The following ZNF652 variants were observed in gnomAD, a reference collection of about 807,000 sequenced individuals.
ZNF652 encodes zinc finger protein 652.
Under a neutral mutation model 45.2 loss-of-function variants are expected in ZNF652, and 16 were observed. The observed-to-expected ratio is 0.35, with a 90% CI of 0.24 to 0.54. ZNF652 has a LOEUF of 0.54. Ranked by LOEUF, ZNF652 falls within the 20% of genes least tolerant of loss-of-function variation. The probability of loss-of-function intolerance (pLI) is 0.91; values close to 1 mark genes in which losing one functional copy is unlikely to be tolerated. For synonymous variants in ZNF652, 250 were observed against 260.6 expected, an observed-to-expected ratio of 0.96 and a Z score of 0.39; for missense variants, 614 against 765.6, an observed-to-expected ratio of 0.80 and a Z score of 2.34.
intron 1 of ZNF652, among the ~76,000 whole-genome samples, chr17:49,331,922 T>C (rs1378869020): frequency 6.6e-6 from 1 of 152,068 alleles, no homozygotes; most frequent in Admixed American, 6.6e-5. Flanking sequence ...TGAGCTGAGA[T>C]CGCAGCACTG....
rs547955233 is a variant in ZNF652, at chr17:49,307,979, A to G, written c.1309+3333T>C. ...GGTTACAACAGAGTATAAAGACCCA[A>G]CATTTGTTTTTACTATATACATGAA... On this transcript the variant is annotated intron_variant, in intron 5 of 5. Coordinates refer to ENST00000430262, the MANE Select transcript of ZNF652 (RefSeq NM_001145365.3). Among the ~76,000 whole-genome samples the G allele has an allele frequency of 2.6e-4, 40 of 152,296 alleles. No individual in the cohort carries two copies. In the East Asian group the frequency reaches 7.5e-3, roughly 29 times the overall value.
At chr17:49,356,943 C>T (rs1327144784) in intron 1 of ZNF652, among the ~76,000 whole-genome samples, 1 of 150,888 alleles carries the variant, frequency 6.6e-6, no homozygotes, top group Non-Finnish European at 1.5e-5. Flanking sequence ...AAACTGTATA[C>T]ATGGCCCTAA....
chr17:49,353,773 A>C (rs530796472), intron 1 of ZNF652, among the ~76,000 whole-genome samples: 28 of 152,188 alleles, frequency 1.8e-4, no homozygotes, highest in Non-Finnish European at 3.1e-4. Context: ...ACTGCTTCTT[A>C]CTGTGGATCA....
chr17:49,304,571 A>G lies in ZNF652; in HGVS notation c.1310-5647T>C, dbSNP rs150824309. 1.6e-3 allele frequency among the ~76,000 whole-genome samples: 248 copies of G among 152,272 alleles called. 1 individual carries two copies. Among genetic ancestry groups the G allele is most frequent in the African/African-American group, 5.6e-3 (233 of 41,546 alleles). ...GTCCCACTTTAAGGAAGAGCTGGTA[A>G]ATGGGTGGCAAGAAGATATAGTAAC... On this transcript the variant is annotated intron_variant, in intron 5 of 5. Coordinates refer to ENST00000430262, the MANE Select transcript of ZNF652 (RefSeq NM_001145365.3).
chr17:49,329,415 C>T (rs1237868346), intron 1 of ZNF652, among the ~76,000 whole-genome samples: 2 of 152,098 alleles, frequency 1.3e-5, no homozygotes, highest in Admixed American at 6.5e-5. Flanking sequence ...CTCACAATAT[C>T]GACCTGTAAA....
intron 1 of ZNF652, among the ~76,000 whole-genome samples, chr17:49,341,724 C>T (rs903665843): frequency 1.3e-5 from 2 of 151,958 alleles, no homozygotes; most frequent in African/African-American, 4.8e-5. Flanking sequence ...AAAGGAAAAG[C>T]GTCTAATTTT....
intron 5 of ZNF652, among the ~76,000 whole-genome samples, chr17:49,299,828 A>T (rs1176346967): frequency 1.3e-5 from 2 of 149,210 alleles, no homozygotes; most frequent in Non-Finnish European, 3.0e-5. Flanking sequence ...TACAGGTGCC[A>T]GCTACCACGC....
chr17:49,327,162 A>T (rs1263696201), intron 1 of ZNF652, among the ~76,000 whole-genome samples: 1 of 151,828 alleles, frequency 6.6e-6, no homozygotes, highest in Non-Finnish European at 1.5e-5. Context: ...TATATAGATA[A>T]TTTTTTTTAT....
intron 1 of ZNF652, among the ~76,000 whole-genome samples, chr17:49,325,386 A>T (rs954408206): frequency 4.6e-5 from 7 of 152,224 alleles, no homozygotes; most frequent in African/African-American, 1.7e-4. Flanking sequence ...GCCATCTTAT[A>T]TGAGTATGGT....
intron 5 of ZNF652, among the ~76,000 whole-genome samples, chr17:49,308,471 C>G (rs997899066): frequency 6.6e-6 from 1 of 152,102 alleles, no homozygotes; most frequent in Non-Finnish European, 1.5e-5. Context: ...GCCACCATGT[C>G]CAGGTGCATA....
chr17:49,292,039 A>C lies in ZNF652; in HGVS notation c.*6374T>G, dbSNP rs1413540386. ...AGAATGTATTAACAGCTGCCTTCTT[A>C]GATACCCACCTTGTGTGGTTATTAG... On this transcript the variant is annotated 3_prime_UTR_variant, in exon 6 of 6. Coordinates refer to ENST00000430262, the MANE Select transcript of ZNF652 (RefSeq NM_001145365.3). Among the ~76,000 whole-genome samples, 1 of 152,158 alleles carries C rather than the reference A, an allele frequency of 6.6e-6. No individual in the cohort carries two copies. Among genetic ancestry groups the C allele is most frequent in the Non-Finnish European group, 1.5e-5 (1 of 68,028 alleles).
chr17:49,330,990 T>C lies in ZNF652; in HGVS notation c.-258-13007A>G, dbSNP rs564647206. ...TACTCCAGAGGCTGAGACAGGAGAATTGCTTGAACCCAGGGAGGCGGAGGT... is the reference window on the plus strand; with the variant it reads ...TACTCCAGAGGCTGAGACAGGAGAACTGCTTGAACCCAGGGAGGCGGAGGT... On this transcript the variant is annotated intron_variant, in intron 1 of 5. Transcript: ENST00000430262. Among the ~76,000 whole-genome samples the C allele has an allele frequency of 3.0e-4, 45 of 151,456 alleles. 1 individual carries two copies. Among genetic ancestry groups the C allele is most frequent in the Non-Finnish European group, 5.5e-4 (37 of 67,886 alleles).
At chr17:49,305,610 G>A (rs1488390751) in intron 5 of ZNF652, among the ~76,000 whole-genome samples, 1 of 151,904 alleles carries the variant, frequency 6.6e-6, no homozygotes, top group African/African-American at 2.4e-5. Context: ...ACAGTATCTG[G>A]CACATAGTAC....
chr17:49,293,376 C>G lies in ZNF652; in HGVS notation c.*5037G>C, dbSNP rs2069428434. On this transcript the variant is annotated 3_prime_UTR_variant, in exon 6 of 6. Coordinates refer to ENST00000430262, the MANE Select transcript of ZNF652 (RefSeq NM_001145365.3). ...GATTTTCCTTTGAATCTTGCAAAACCTATCCTCTGAGACAAAAAGATCTGA... is the reference window on the plus strand; with the variant it reads ...GATTTTCCTTTGAATCTTGCAAAACGTATCCTCTGAGACAAAAAGATCTGA... Among the ~76,000 whole-genome samples the G allele has an allele frequency of 6.6e-6, 1 of 152,056 alleles. No individual in the cohort carries two copies. The highest frequency in any genetic ancestry group is 1.5e-5 in the Non-Finnish European group (1 of 68,008).
Position 49,309,769 on chromosome 17 carries a change from TTC to T in ZNF652, c.1309+1541_1309+1542del, listed in dbSNP as rs752650345. On this transcript the variant is annotated intron_variant, in intron 5 of 5. Transcript: ENST00000430262. The stretch of plus-strand genomic sequence containing the variant: ...ACTAATAAAACTGCTCTCATGACTC[TTC>T]ATCTAGACTAAAAATCCTTAAAATC... 2.7e-4 allele frequency among the ~76,000 whole-genome samples: 41 copies of T among 152,270 alleles called. No homozygotes were observed. The East Asian group carries it at 2.7e-3, about 10-fold the overall frequency.
chr17:49,352,058 A>T (rs945712001), intron 1 of ZNF652, among the ~76,000 whole-genome samples: 29 of 152,222 alleles, frequency 1.9e-4, no homozygotes, highest in African/African-American at 6.3e-4. Context: ...CAGGTTGTCA[A>T]TGTTAACTGC....
At chr17:49,325,897 CATTT>C (rs1347542562) in intron 1 of ZNF652, among the ~76,000 whole-genome samples, 1 of 151,976 alleles carries the variant, frequency 6.6e-6, no homozygotes, top group Non-Finnish European at 1.5e-5. Flanking sequence ...AGAGTTGAAA[CATTT>C]ATTTTTGTTT....
At chr17:49,321,996 G>A (rs1207472735) in intron 1 of ZNF652, among the ~76,000 whole-genome samples, 7 of 152,202 alleles carry the variant, frequency 4.6e-5, no homozygotes, top group African/African-American at 1.4e-4. Flanking sequence ...GGGATTTGCA[G>A]AGTAAGAACA....
chr17:49,347,613 AG>A (rs2070218082), intron 1 of ZNF652, among the ~76,000 whole-genome samples: 1 of 152,150 alleles, frequency 6.6e-6, no homozygotes, highest in Non-Finnish European at 1.5e-5. Context: ...GTAGGCAAAA[AG>A]ATCATCAATG....
Sources: gnomAD v4.1 joint callset for allele counts (sites outside exome capture counted in the v4.1 genomes callset) on GRCh38, gnomAD v4.1.1 for gene constraint, MANE v1.5 for transcripts, NCBI Gene and HGNC (gene_info 2026-07-23, HGNC 2026-07-21) for gene names.